Variants in GALNTL6 observed in about 807,000 individuals in gnomAD.
The protein encoded by GALNTL6 is polypeptide N-acetylgalactosaminyltransferase-like 6.
A neutral mutation model predicts 73.7 loss-of-function variants in GALNTL6; 46 were observed. That is an observed-to-expected ratio of 0.62 (90% CI 0.49 to 0.80). The LOEUF (loss-of-function observed/expected upper bound fraction) is 0.80. Among genes scored for constraint, GALNTL6 ranks in the 30% least tolerant of loss-of-function variants. GALNTL6 has a pLI of 0.00. For missense variants in GALNTL6, 604 were observed against 755.0 expected, an observed-to-expected ratio of 0.80 and a Z score of 2.34; for synonymous variants, 259 against 263.7, an observed-to-expected ratio of 0.98 and a Z score of 0.17.
intron 7 of GALNTL6, among the ~76,000 whole-genome samples, chr4:172,858,873 A>C (rs979238203): frequency 6.6e-6 from 1 of 152,184 alleles, no homozygotes; most frequent in African/African-American, 2.4e-5. Flanking sequence ...AAGACAAATG[A>C]AAAATATACA....
chr4:172,148,073 T>C (rs771188540), intron 2 of GALNTL6, among the ~76,000 whole-genome samples: 1 of 152,142 alleles, frequency 6.6e-6, no homozygotes, highest in South Asian at 2.1e-4. Flanking sequence ...CATAACATGG[T>C]ATGACTCAAA....
At chr4:172,595,505 C>T (rs1026552895) in intron 5 of GALNTL6, among the ~76,000 whole-genome samples, 1 of 152,082 alleles carries the variant, frequency 6.6e-6, no homozygotes, top group Non-Finnish European at 1.5e-5. Flanking sequence ...ACTTTCCACC[C>T]ATATATTCCT....
intron 5 of GALNTL6, among the ~76,000 whole-genome samples, chr4:172,514,452 T>C (rs955891369): frequency 4.6e-5 from 7 of 152,174 alleles, no homozygotes; most frequent in Non-Finnish European, 2.9e-5. Flanking sequence ...GCACTGAGTT[T>C]ATATCCAGGC....
chr4:172,841,085 C>T (rs1168778115), intron 7 of GALNTL6, among the ~76,000 whole-genome samples: 1 of 152,170 alleles, frequency 6.6e-6, no homozygotes, highest in Non-Finnish European at 1.5e-5. Flanking sequence ...GACATGCTGC[C>T]ACATCTGCTT....
At chr4:172,908,366 A>C (rs1335456238) in intron 8 of GALNTL6, among the ~76,000 whole-genome samples, 1 of 152,176 alleles carries the variant, frequency 6.6e-6, no homozygotes, top group Non-Finnish European at 1.5e-5. Flanking sequence ...TATTTTCTTA[A>C]TGAGAAAACT....
At chr4:172,306,776 C>A (rs1350495050) in intron 3 of GALNTL6, among the ~76,000 whole-genome samples, 2 of 152,198 alleles carry the variant, frequency 1.3e-5, no homozygotes, top group African/African-American at 4.8e-5. Flanking sequence ...ATACAGGTTG[C>A]TACAAATGCC....
intron 7 of GALNTL6, among the ~76,000 whole-genome samples, chr4:172,821,684 T>C (rs1471380890): frequency 6.6e-6 from 1 of 152,148 alleles, no homozygotes; most frequent in Non-Finnish European, 1.5e-5. Flanking sequence ...GGGAAAAGAC[T>C]GTCAAACTTT....
chr4:171,825,875 C>A (rs1364370069), intron 2 of GALNTL6, among the ~76,000 whole-genome samples: 1 of 152,130 alleles, frequency 6.6e-6, no homozygotes, highest in Admixed American at 6.6e-5. Context: ...GTGTTTCCAA[C>A]TATTAGAATG....
chr4:172,548,438 G>A (rs550312923), intron 5 of GALNTL6, among the ~76,000 whole-genome samples: 17 of 152,292 alleles, frequency 1.1e-4, no homozygotes, highest in Admixed American at 3.3e-4. Context: ...GATTCTCATA[G>A]GAATGCACAT....
intron 5 of GALNTL6, among the ~76,000 whole-genome samples, chr4:172,721,373 G>T (rs2111357802): frequency 6.6e-6 from 1 of 152,272 alleles, no homozygotes; most frequent in East Asian, 1.9e-4. Context: ...TTAATCCTTT[G>T]AAACAACTTC....
chr4:172,597,435 T>C (rs1310357470), intron 5 of GALNTL6, among the ~76,000 whole-genome samples: 1 of 152,188 alleles, frequency 6.6e-6, no homozygotes, highest in East Asian at 1.9e-4. Context: ...ACTGGAGAAA[T>C]ACGTTAGGAA....
At chr4:172,129,136 T>A (rs538075026) in intron 2 of GALNTL6, among the ~76,000 whole-genome samples, 1 of 152,200 alleles carries the variant, frequency 6.6e-6, no homozygotes, top group Non-Finnish European at 1.5e-5. Context: ...CCTTTAAGAC[T>A]CTTATCTCTT....
chr4:172,941,262 G>A (rs1461590040), intron 9 of GALNTL6, among the ~76,000 whole-genome samples: 2 of 152,190 alleles, frequency 1.3e-5, no homozygotes, highest in Non-Finnish European at 2.9e-5. Flanking sequence ...TGAGGACCAA[G>A]ATTTTATGTT....
chr4:172,226,605 C>CTGTGTG (rs3083245), intron 2 of GALNTL6, among the ~76,000 whole-genome samples: 41,634 of 149,922 alleles, frequency 0.28, 5,891 homozygotes, highest in African/African-American at 0.33. Flanking sequence ...GTGTGTGTTT[C>CTGTGTG]TGTGTGTGTG....
chr4:173,001,994 C>T (rs966043884), intron 10 of GALNTL6, among the ~76,000 whole-genome samples: 3 of 152,192 alleles, frequency 2.0e-5, no homozygotes, highest in African/African-American at 7.2e-5. Context: ...TACCTTAGGA[C>T]CCAGCAATTT....
At chr4:172,800,202 C>G (rs1407770327) in intron 5 of GALNTL6, among the ~76,000 whole-genome samples, 1 of 152,042 alleles carries the variant, frequency 6.6e-6, no homozygotes, top group Non-Finnish European at 1.5e-5. Flanking sequence ...TGTGAATATG[C>G]TTAACACTAC....
intron 5 of GALNTL6, among the ~76,000 whole-genome samples, chr4:172,519,779 T>A (rs2110813746): frequency 6.6e-6 from 1 of 151,992 alleles, no homozygotes; most frequent in African/African-American, 2.4e-5. Context: ...TCTTCCTTCC[T>A]GGTCAAGTGA....
chr4:172,614,017 G>A (rs1375501239), intron 5 of GALNTL6, among the ~76,000 whole-genome samples: 1 of 151,938 alleles, frequency 6.6e-6, no homozygotes, highest in African/African-American at 2.4e-5. Context: ...TCTTATACTG[G>A]GGAAACCTAG....
In GALNTL6 at chr4:172,979,736, T is replaced by C. The variant is rs189076765; in HGVS notation, c.1371+27478T>C. ...TGGTTGACACCTACCACTGGAAAGC[T>C]TGGCTGTTAACTACTTGAACTACAC... On this transcript the variant is annotated intron_variant, in intron 10 of 12. Coordinates refer to ENST00000506823, the MANE Select transcript of GALNTL6 (RefSeq NM_001034845.3). Among the ~76,000 whole-genome samples, 587 of 152,358 alleles carry C rather than the reference T, an allele frequency of 3.9e-3. 3 individuals carry two copies. The highest frequency in any genetic ancestry group is 0.013 in the African/African-American group (560 of 41,568).
Sources: allele counts gnomAD v4.1 joint callset (sites outside exome capture counted in the v4.1 genomes callset), GRCh38; gene constraint gnomAD v4.1.1; transcripts MANE v1.5; gene names NCBI Gene and HGNC (gene_info 2026-07-23, HGNC 2026-07-21).